The following SPATC1L variants were observed in gnomAD, a reference collection of about 807,000 sequenced individuals.
SPATC1L encodes the protein speriolin-like protein.
Under a neutral mutation model 21.2 loss-of-function variants are expected in SPATC1L, and 20 were observed. That is an observed-to-expected ratio of 0.94 (90% CI 0.66 to 1.37). SPATC1L has a LOEUF of 1.37. Among genes scored for constraint, SPATC1L ranks in the 40% most tolerant of loss-of-function variants. The pLI is 0.00. For missense variants in SPATC1L, 499 were observed against 478.7 expected, an observed-to-expected ratio of 1.04 and a Z score of -0.40; for synonymous variants, 290 against 234.5, an observed-to-expected ratio of 1.24 and a Z score of -2.16.
At chr21:46,179,607 A>G (rs949720304) in intron 2 of SPATC1L, among the ~76,000 whole-genome samples, 40 of 152,336 alleles carry the variant, frequency 2.6e-4, no homozygotes, top group Non-Finnish European at 7.3e-5. Context: ...GTCATGTCAG[A>G]CGGAAGGAGT....
At chr21:46,169,744 C>T (rs2040286) in intron 2 of SPATC1L, among the ~76,000 whole-genome samples, 95 of 160 alleles carry the variant, frequency 0.59, 19 homozygotes, top group East Asian at 0.88. Flanking sequence ...GGGAGGAGCC[C>T]CCTGCTCTGT....
At chr21:46,174,349 A>AAAAAC in intron 2 of SPATC1L, among the ~76,000 whole-genome samples, 1 of 147,294 alleles carries the variant, frequency 6.8e-6, no homozygotes, top group African/African-American at 2.6e-5. Flanking sequence ...CAAAACAAAA[A>AAAAAC]AAAAAAAAAA....
At position 46,168,585 on chromosome 21, in the gene SPATC1L, C is replaced by A; in HGVS notation, c.267G>T (p.Leu89=). The A allele has an allele frequency of 6.9e-7, 1 of 1,444,406 alleles. No homozygotes were observed. The highest frequency in any genetic ancestry group is 9.2e-7 in the Non-Finnish European group (1 of 1,082,662). 89.5% of individuals were successfully genotyped at this position (1,444,406 alleles called of 1,614,324 possible). The change falls in exon 3 of 5, where the codon CTG becomes CTT. Residue 89 remains leucine, a synonymous_variant. Transcript: ENST00000291672. ...TGGACAGGGGGGCATGTGAGCACAG[C>A]AGGTCCTCCAGGGAGGATGTCTGCA... is the stretch of plus-strand genomic sequence containing the variant. The part of the protein sequence containing the change: ...SQLQTSSLED[L]LCSHAPLSSE...
chr21:46,183,262 C>A lies in SPATC1L; in HGVS notation c.-446G>T. ...ATGTGGGCTGCACTTCCCATAGGAC[C>A]TGCCCAGGACACAGGGTTCCCAGTG... On this transcript the variant is annotated 5_prime_UTR_variant, in exon 2 of 5. It adds an upstream start codon to the 5' untranslated region. Coordinates refer to ENST00000291672, the MANE Select transcript of SPATC1L (RefSeq NM_001142854.2). 5.7e-6 allele frequency: 1 copy of A among 176,754 alleles called. No individual in the cohort carries two copies. The highest frequency in any genetic ancestry group is 1.4e-4 in the South Asian group (1 of 7,236). 10.9% of individuals were successfully genotyped at this position (176,754 alleles called of 1,614,324 possible).
At chr21:46,162,411 G>GTT (rs1396807544) in intron 3 of SPATC1L, among the ~76,000 whole-genome samples, 1 of 152,066 alleles carries the variant, frequency 6.6e-6, no homozygotes, top group Non-Finnish European at 1.5e-5. Flanking sequence ...TCTGAGTTGG[G>GTT]ACGGGTCCCC....
At chr21:46,176,102 C>T (rs1285896891) in intron 2 of SPATC1L, among the ~76,000 whole-genome samples, 1 of 152,122 alleles carries the variant, frequency 6.6e-6, no homozygotes, top group Non-Finnish European at 1.5e-5. Context: ...AAATTCAACA[C>T]CCCTTCATGT....
At chr21:46,164,019 T>A (rs2123619649) in intron 3 of SPATC1L, among the ~76,000 whole-genome samples, 1 of 152,326 alleles carries the variant, frequency 6.6e-6, no homozygotes, top group South Asian at 2.1e-4. Flanking sequence ...GTTTGTTTGT[T>A]TTTTTGAAGA....
At chr21:46,172,707 C>T (rs1363757907) in intron 2 of SPATC1L, among the ~76,000 whole-genome samples, 3 of 152,186 alleles carry the variant, frequency 2.0e-5, no homozygotes, top group Non-Finnish European at 4.4e-5. Context: ...GCGGGATGGC[C>T]GGCCAGATGC....
rs896962015 is a variant in SPATC1L at position 46,183,361 on chromosome 21, C to A, written c.-545G>T. 5.9e-6 allele frequency: 1 copy of A among 168,308 alleles called. No homozygotes were observed. The highest frequency in any genetic ancestry group is 1.3e-5 in the Non-Finnish European group (1 of 79,728). 10.4% of individuals were successfully genotyped at this position (168,308 alleles called of 1,614,324 possible). On this transcript the variant is annotated 5_prime_UTR_variant, in exon 2 of 5. Coordinates refer to ENST00000291672, the MANE Select transcript of SPATC1L (RefSeq NM_001142854.2). ...GTTCATCAGGGTCCGTCCTTGGCAC[C>A]CACACTTGAGGAGGGAGGGACTGGC...
rs575893040 is a variant in SPATC1L, at chr21:46,174,338, A to C, written c.194-5680T>G. Among the ~76,000 whole-genome samples the C allele has an allele frequency of 3.6e-4, 27 of 75,288 alleles. 1 individual carries two copies. Among genetic ancestry groups the C allele is most frequent in the African/African-American group, 1.1e-3 (25 of 21,770 alleles). 49.4% of individuals were successfully genotyped at this position (75,288 alleles called of 152,430 possible). A position where few individuals can be genotyped will look rare whatever the true frequency, so the allele number is the denominator to read the frequency against. On this transcript the variant is annotated intron_variant, in intron 2 of 4. Coordinates refer to ENST00000291672, the MANE Select transcript of SPATC1L (RefSeq NM_001142854.2). ...ACAGAGCAAGACTCTGTCTCAAAAA[A>C]CAAAACAAAAAAAAAAAAAAAACAG...
Position 46,161,541 on chromosome 21 carries a change from CTGCTTCAGGATTCCGTAGGTGTTGA to C in SPATC1L, c.836_860del (p.Ile279SerfsTer?), listed in dbSNP as rs1568994942. On this transcript the variant is annotated frameshift_variant, in exon 5 of 5. Transcript: ENST00000291672. LOFTEE classifies it high-confidence loss of function. Reference sequence around the variant, plus strand: ...GGGGGTTGGCGCGCAGGTCGGGCCGCTGCTTCAGGATTCCGTAGGTGTTGATGAGGAACTCGCTGAACGCCGGGTG... The same window carrying C: ...GGGGGTTGGCGCGCAGGTCGGGCCGCTGAGGAACTCGCTGAACGCCGGGTG... 6.2e-7 allele frequency: 1 copy of C among 1,610,616 alleles called. No individual in the cohort carries two copies. The highest frequency in any genetic ancestry group is 2.2e-5 in the East Asian group (1 of 44,812).
chr21:46,163,371 T>G (rs1457673492), intron 3 of SPATC1L, among the ~76,000 whole-genome samples: 1 of 152,258 alleles, frequency 6.6e-6, no homozygotes, highest in Non-Finnish European at 1.5e-5. Context: ...TTTGTCTGTT[T>G]CTCTCTTTTG....
chr21:46,175,679 C>T (rs905144985), intron 2 of SPATC1L, among the ~76,000 whole-genome samples: 1 of 151,868 alleles, frequency 6.6e-6, no homozygotes, highest in Non-Finnish European at 1.5e-5. Context: ...GCCTACCAAC[C>T]AAAAAAAGCC....
chr21:46,167,081 G>A (rs569688526), intron 3 of SPATC1L, among the ~76,000 whole-genome samples: 6 of 152,186 alleles, frequency 3.9e-5, no homozygotes, highest in South Asian at 2.1e-4. Flanking sequence ...TATCTTCTCC[G>A]ACCATAATGG....
rs751086468 is a variant in SPATC1L at position 46,161,464 on chromosome 21, G to A, written c.938C>T (p.Pro313Leu). 1.3e-6 allele frequency: 2 copies of A among 1,596,168 alleles called. No homozygotes were observed. Reference sequence around the variant, plus strand: ...CAGCAGCGAGTCGCCCAGGAACTTGGGGGGCACCACGTCGATGACCAGCTT... The same window carrying A: ...CAGCAGCGAGTCGCCCAGGAACTTGAGGGGCACCACGTCGATGACCAGCTT... ...LRKLVIDVVP[P>L]KFLGDSLLLL... is the part of the protein sequence containing the mutation. Residue 313 changes from proline to leucine, a missense_variant, in exon 5 of 5, where the codon CCC becomes CTC. Coordinates refer to ENST00000291672, the MANE Select transcript of SPATC1L (RefSeq NM_001142854.2).
rs1383750988 is a variant in SPATC1L, at chr21:46,182,911, G to C, written c.-95C>G. On this transcript the variant is annotated 5_prime_UTR_variant, in exon 2 of 5. Transcript: ENST00000291672. ...GGCACCACAGAAACAGCCCAGGCAC[G>C]GAGTTCCGTAGCCACCACCGCCTTC... 1 of 1,304,000 alleles carries C rather than the reference G, an allele frequency of 7.7e-7. No individual in the cohort carries two copies. The allele number at this position is 1,304,000 out of a possible 1,614,324, so 80.8% of individuals were successfully genotyped here. A position where few individuals can be genotyped will look rare whatever the true frequency, so the allele number is the denominator to read the frequency against.
chr21:46,164,307 C>G (rs541900677), intron 3 of SPATC1L, among the ~76,000 whole-genome samples: 1 of 152,270 alleles, frequency 6.6e-6, no homozygotes, highest in South Asian at 2.1e-4. Flanking sequence ...GCCACTGTGC[C>G]TGGTCATTTA....
chr21:46,163,801 C>G (rs1057274874), intron 3 of SPATC1L, among the ~76,000 whole-genome samples: 1 of 152,220 alleles, frequency 6.6e-6, no homozygotes, highest in South Asian at 2.1e-4. Context: ...TTTTCAAGAT[C>G]GTTTTACTTA....
At chr21:46,180,176 C>T (rs2079661797) in intron 2 of SPATC1L, among the ~76,000 whole-genome samples, 1 of 152,254 alleles carries the variant, frequency 6.6e-6, no homozygotes, top group Admixed American at 6.5e-5. Flanking sequence ...CTGGGGCCCC[C>T]ACAGAAGGAG....
Sources: gnomAD v4.1 joint callset for allele counts (sites outside exome capture counted in the v4.1 genomes callset) on GRCh38, gnomAD v4.1.1 for gene constraint, MANE v1.5 for transcripts, NCBI Gene and HGNC (gene_info 2026-07-23, HGNC 2026-07-21) for gene names.